The following PKHD1 variants were observed in gnomAD, a reference collection of about 807,000 sequenced individuals.
PKHD1 encodes the protein fibrocystin.
In PKHD1, 291 loss-of-function variants were observed where a neutral mutation model predicts 412.0. The ratio of observed to expected loss-of-function variants is 0.71; its 90% confidence interval spans 0.64 to 0.78. The LOEUF (loss-of-function observed/expected upper bound fraction) is 0.78. Ranked by LOEUF, PKHD1 falls within the 30% of genes least tolerant of loss-of-function variation. The pLI, the probability that PKHD1 is intolerant of heterozygous loss-of-function variation, is 0.00. For missense variants in PKHD1, 4,825 were observed against 4,950.7 expected (o/e 0.97, Z 0.76); for synonymous variants, 1,777 against 1,821.5 (o/e 0.98, Z 0.62).
chr6:51,870,463 G>A (rs982874), intron 47 of PKHD1, 41 bp downstream of exon 47: 1 of 1,511,440 alleles, frequency 6.6e-7, no homozygotes. Flanking sequence ...ACTTGAATAT[G>A]GGCCTTATTT....
In PKHD1 at chr6:51,934,090, T is replaced by C; in HGVS notation, c.6121+20A>G. On this transcript the variant is annotated intron_variant, in intron 37 of 66. Coordinates refer to ENST00000371117, the MANE Select transcript of PKHD1 (RefSeq NM_138694.4). ...AGACACAGCTCTACTTCATTTCCTC[T>C]GATCAATTGCCTCACTCACCGTGCA... 2.6e-6 allele frequency: 4 copies of C among 1,561,528 alleles called. No homozygotes were observed. Among genetic ancestry groups the C allele is most frequent in the Non-Finnish European group, 3.5e-6 (4 of 1,131,928 alleles).
chr6:51,925,445 GTGTGTGTGTA>G (rs1243586737), intron 37 of PKHD1, among the ~76,000 whole-genome samples: 3 of 100,982 alleles, frequency 3.0e-5, no homozygotes, highest in South Asian at 3.8e-4. Flanking sequence ...CTTCGTGTGT[GTGTGTGTGTA>G]TGTGTGTGTG....
chr6:51,669,338 T>G (rs375637537), intron 60 of PKHD1, among the ~76,000 whole-genome samples: 75 of 152,238 alleles, frequency 4.9e-4, no homozygotes, highest in African/African-American at 1.8e-3. Flanking sequence ...TTGCATAGAG[T>G]TGTTTGTAGT....
At position 51,764,245 on chromosome 6, in the gene PKHD1, T is replaced by C. The variant is rs1011893687; in HGVS notation, c.8642+8457A>G. On this transcript the variant is annotated intron_variant, in intron 55 of 66. Transcript: ENST00000371117. ...AAAAATAAACAACCCAATCAAAAAG[T>C]GGGCGAAAGACATGAACAGACACTT... Among the ~76,000 whole-genome samples the C allele has an allele frequency of 6.0e-5, 9 of 149,600 alleles. No individual in the cohort carries two copies. In the Admixed American group the frequency reaches 6.1e-4, roughly 10 times the overall value.
intron 52 of PKHD1, among the ~76,000 whole-genome samples, chr6:51,817,227 G>A (rs1765608678): frequency 6.6e-6 from 1 of 152,068 alleles, no homozygotes; most frequent in African/African-American, 2.4e-5. Context: ...TAAGGTATGT[G>A]CCTCTATTTC....
intron 63 of PKHD1, among the ~76,000 whole-genome samples, chr6:51,645,386 T>C (rs1769959959): frequency 6.6e-6 from 1 of 152,258 alleles, no homozygotes; most frequent in African/African-American, 2.4e-5. Context: ...TTTGAAAACA[T>C]TATTTTCTTT....
At chr6:51,679,487 G>A (rs1427385305) in intron 60 of PKHD1, among the ~76,000 whole-genome samples, 1 of 151,562 alleles carries the variant, frequency 6.6e-6, no homozygotes, top group Non-Finnish European at 1.5e-5. Context: ...CAGCTCCTGA[G>A]TGCCCATGAC....
rs1192582260 is a variant in PKHD1 at position 52,033,039 on chromosome 6, T to A, written c.3355A>T (p.Asn1119Tyr). ...GTATCACATATTTTACCTGCTATAT[T>A]GCTTATGTTTCTGCTCAGAGTCACA... ...VIVTLSRNIS[N>Y]IAGGETLVIG... Residue 1119 changes from asparagine to tyrosine, a missense_variant, in exon 29 of 67, where the codon AAT becomes TAT. Physicochemically the swap from Asn to Tyr is moderately radical, Grantham distance 143. Coordinates refer to ENST00000371117, the MANE Select transcript of PKHD1 (RefSeq NM_138694.4). 1.2e-6 allele frequency: 2 copies of A among 1,612,536 alleles called. No individual in the cohort carries two copies. Among genetic ancestry groups the A allele is most frequent in the Admixed American group, 3.3e-5 (2 of 60,020 alleles).
chr6:51,909,192 C>T (rs1382511033), intron 40 of PKHD1, 91 bp downstream of exon 40: 2 of 1,007,894 alleles, frequency 2.0e-6, no homozygotes, highest in Non-Finnish European at 3.2e-6. Flanking sequence ...TCCCTCAAAT[C>T]CCACATATCA....
chr6:51,917,286 CTAGAAAT>C (rs933743164), intron 37 of PKHD1, among the ~76,000 whole-genome samples: 1 of 151,502 alleles, frequency 6.6e-6, no homozygotes, highest in Non-Finnish European at 1.5e-5. Flanking sequence ...ACAAAAAAAA[CTAGAAAT>C]ATTGTCCTCA....
chr6:51,904,155 T>A (rs1215922886), intron 41 of PKHD1, 113 bp from the exon 42 acceptor site: 3 of 743,874 alleles, frequency 4.0e-6, no homozygotes, highest in Non-Finnish European at 7.4e-6. Flanking sequence ...TTTTTGTGTT[T>A]TTATCTGTAA....
chr6:51,905,672 A>G (rs1414884161), intron 41 of PKHD1, among the ~76,000 whole-genome samples: 1 of 152,196 alleles, frequency 6.6e-6, no homozygotes, highest in Admixed American at 6.5e-5. Context: ...CTATTTTAAA[A>G]GCAATAAGAA....
intron 23 of PKHD1, among the ~76,000 whole-genome samples, chr6:52,046,585 A>G (rs1222143949): frequency 6.6e-6 from 1 of 152,228 alleles, no homozygotes; most frequent in Non-Finnish European, 1.5e-5. Context: ...AAAATTGGCC[A>G]CTTTTCACAG....
intron 7 of PKHD1, 146 bp from the exon 8 acceptor site, chr6:52,072,335 A>G (rs1391840344): frequency 2.0e-5 from 14 of 688,794 alleles, no homozygotes; most frequent in African/African-American, 1.9e-4. Flanking sequence ...CTGAAGGCGG[A>G]TGTCAAGTCA....
intron 35 of PKHD1, among the ~76,000 whole-genome samples, chr6:51,987,331 T>C (rs1446910854): frequency 3.9e-5 from 6 of 152,194 alleles, no homozygotes; most frequent in Non-Finnish European, 7.3e-5. Flanking sequence ...ATAATAATGA[T>C]AAACACTGAA....
At chr6:51,646,695 A>C (rs1770126961) in intron 63 of PKHD1, among the ~76,000 whole-genome samples, 1 of 152,190 alleles carries the variant, frequency 6.6e-6, no homozygotes, top group African/African-American at 2.4e-5. Context: ...CACCCAATAT[A>C]ACAAGATCAA....
At chr6:51,993,059 C>T (rs1244650853) in intron 35 of PKHD1, among the ~76,000 whole-genome samples, 1 of 152,246 alleles carries the variant, frequency 6.6e-6, no homozygotes, top group Non-Finnish European at 1.5e-5. Flanking sequence ...GAATCCTGCA[C>T]TACCAGTCCG....
chr6:51,618,755 T>A lies in PKHD1; in HGVS notation c.*326A>T, dbSNP rs1766260411. The A allele has an allele frequency of 5.3e-6, 2 of 380,350 alleles. No homozygotes were observed. Among genetic ancestry groups the A allele is most frequent in the Non-Finnish European group, 5.0e-6 (1 of 199,946 alleles). 23.6% of individuals were successfully genotyped at this position (380,350 alleles called of 1,614,324 possible). A position where few individuals can be genotyped will look rare whatever the true frequency, so the allele number is the denominator to read the frequency against. On this transcript the variant is annotated 3_prime_UTR_variant, in exon 67 of 67. Coordinates refer to ENST00000371117, the MANE Select transcript of PKHD1 (RefSeq NM_138694.4). ...GGTCAATCCAGAGAATGCTTAATAA[T>A]AACCCCTGCTGGTATAAGTCAGTAT...
chr6:51,641,024 G>A (rs1392729226), intron 63 of PKHD1, among the ~76,000 whole-genome samples: 2 of 152,172 alleles, frequency 1.3e-5, no homozygotes, highest in Admixed American at 1.3e-4. Flanking sequence ...GATACTTATA[G>A]TAAGTTAGAT....
Sources: gnomAD v4.1 joint callset for allele counts (sites outside exome capture counted in the v4.1 genomes callset) on GRCh38, gnomAD v4.1.1 for gene constraint, MANE v1.5 for transcripts, NCBI Gene and HGNC (gene_info 2026-07-23, HGNC 2026-07-21) for gene names.